Variants in LAMC2 observed in about 807,000 individuals in gnomAD.
The protein encoded by LAMC2 is laminin subunit gamma 2, also known as laminin subunit gamma-2.
In LAMC2, 97 loss-of-function variants were observed where a neutral mutation model predicts 140.2. That is an observed-to-expected ratio of 0.69 (90% CI 0.59 to 0.82). The LOEUF is 0.82. LAMC2 is among the 40% of genes least tolerant of loss of function. The probability of loss-of-function intolerance (pLI) is 0.00; values close to 1 mark genes in which losing one functional copy is unlikely to be tolerated. For synonymous variants in LAMC2, 513 were observed against 540.2 expected, an observed-to-expected ratio of 0.95 and a Z score of 0.70; for missense variants, 1,402 against 1,476.1, an observed-to-expected ratio of 0.95 and a Z score of 0.82.
chr1:183,237,747 A>C (rs1234697421), intron 18 of LAMC2, among the ~76,000 whole-genome samples: 1 of 152,184 alleles, frequency 6.6e-6, no homozygotes, highest in East Asian at 1.9e-4. Context: ...ATAGCTGTGC[A>C]TGATGACACG....
In LAMC2 at chr1:183,215,680, C is replaced by T. The variant is rs548051907; in HGVS notation, c.404+92C>T. On this transcript the variant is annotated intron_variant, in intron 3 of 22. Transcript: ENST00000264144. ...ACACTTGTATTTACTGAGCCCCTAC[C>T]CTGTGCCAAACACTGCTTTGAGAGT... 1,983 of 1,484,394 alleles carry T rather than the reference C, an allele frequency of 1.3e-3. 5 individuals are homozygous for T. The highest frequency in any genetic ancestry group is 1.8e-3 in the Non-Finnish European group (1,882 of 1,064,234). The allele number at this position is 1,484,394 out of a possible 1,614,324, so 92.0% of individuals were successfully genotyped here.
At chr1:183,200,696 A>G (rs1019799764) in intron 1 of LAMC2, among the ~76,000 whole-genome samples, 2 of 151,600 alleles carry the variant, frequency 1.3e-5, no homozygotes, top group Non-Finnish European at 2.9e-5. Flanking sequence ...GAGGGGTGGG[A>G]GTGTTGTGAA....
At chr1:183,198,140 C>CT (rs11338377) in intron 1 of LAMC2, among the ~76,000 whole-genome samples, 4,856 of 138,044 alleles carry the variant, frequency 0.035, 159 homozygotes, top group African/African-American at 0.086. Context: ...TTTTTTCTTT[C>CT]TTTTTTTTTT....
chr1:183,195,510 C>T (rs1571500769), intron 1 of LAMC2, among the ~76,000 whole-genome samples: 2 of 152,306 alleles, frequency 1.3e-5, no homozygotes, highest in South Asian at 4.1e-4. Flanking sequence ...CCTAGCACTT[C>T]CTGCCTCAGC....
chr1:183,232,464 G>C lies in LAMC2; in HGVS notation c.2014+121G>C, dbSNP rs138863552. 1.4e-5 allele frequency: 17 copies of C among 1,247,804 alleles called. No individual in the cohort carries two copies. The African/African-American group carries it at 2.2e-4, about 16-fold the overall frequency. 77.3% of individuals were successfully genotyped at this position (1,247,804 alleles called of 1,614,324 possible). A position where few individuals can be genotyped will look rare whatever the true frequency, so the allele number is the denominator to read the frequency against. ...CAGCAGTTATCTCCAGCCAGCCCTTGCAGAAGTGGAAGGACTGTCTGTGGC... is the reference window on the plus strand; with the variant it reads ...CAGCAGTTATCTCCAGCCAGCCCTTCCAGAAGTGGAAGGACTGTCTGTGGC... On this transcript the variant is annotated intron_variant, in intron 13 of 22. Transcript: ENST00000264144.
intron 1 of LAMC2, among the ~76,000 whole-genome samples, chr1:183,195,855 A>G (rs184625695): frequency 6.6e-6 from 1 of 152,352 alleles, no homozygotes; most frequent in Admixed American, 6.5e-5. Flanking sequence ...GCTTAAGCCG[A>G]CAAACATATT....
At chr1:183,256,637 A>G in the LAMC2 span, among the ~76,000 whole-genome samples, 1 of 152,246 alleles carries the variant, frequency 6.6e-6, no homozygotes, top group Non-Finnish European at 1.5e-5. Context: ...CTTGTGTGCC[A>G]GGGATAAATC....
At position 183,240,110 on chromosome 1, in the gene LAMC2, C is replaced by A. The variant is rs766697227; in HGVS notation, c.3140C>A (p.Ala1047Asp). 1.2e-5 allele frequency: 20 copies of A among 1,614,110 alleles called. No individual in the cohort carries two copies. Among genetic ancestry groups the A allele is most frequent in the Non-Finnish European group, 1.6e-5 (19 of 1,180,020 alleles). ...DGALAMEKGLASLKSEMREVE... is the reference protein window; with the variant it reads ...DGALAMEKGLDSLKSEMREVE... ...GCCTTGGCCATGGAAAAGGGACTGGCCTCTCTGAAGAGTGAGATGAGGGAA... is the reference window on the plus strand; with the variant it reads ...GCCTTGGCCATGGAAAAGGGACTGGACTCTCTGAAGAGTGAGATGAGGGAA... The change falls in exon 21 of 23, where the codon GCC becomes GAC. Residue 1047 changes from alanine (A) to aspartate (D), a missense_variant. Around this residue, in one of 3 missense-constraint regions of LAMC2, gnomAD observed 670 missense variants for 667.2 expected, o/e 1.00. Transcript: ENST00000264144.
At chr1:183,257,397 C>A in the LAMC2 span, among the ~76,000 whole-genome samples, 1 of 152,046 alleles carries the variant, frequency 6.6e-6, no homozygotes, top group Non-Finnish European at 1.5e-5. Context: ...GCCAAGATCA[C>A]GCTATTGCAC....
Position 183,237,422 on chromosome 1 carries a change from A to G in LAMC2, c.2672A>G (p.Glu891Gly). The part of the protein sequence containing the change: ...LSSLVTRHMD[E>G]FKRTQKNLGN... ...AGCCTGGTAACCAGGCATATGGATGAGTTCAAGCGTACACAGAAGAATCTG... is the reference window on the plus strand; with the variant it reads ...AGCCTGGTAACCAGGCATATGGATGGGTTCAAGCGTACACAGAAGAATCTG... Residue 891 changes from glutamate to glycine, a missense_variant, in exon 18 of 23, where the codon GAG becomes GGG. Transcript: ENST00000264144. The G allele has an allele frequency of 6.2e-7, 1 of 1,614,114 alleles. No homozygotes were observed. The highest frequency in any genetic ancestry group is 8.5e-7 in the Non-Finnish European group (1 of 1,179,918).
intron 19 of LAMC2, among the ~76,000 whole-genome samples, chr1:183,238,668 G>C (rs1163210360): frequency 2.6e-5 from 4 of 152,214 alleles, no homozygotes; most frequent in African/African-American, 9.6e-5. Context: ...GACTAGCTGT[G>C]TGACCATAGG....
intron 6 of LAMC2, 119 bp downstream of exon 6, chr1:183,222,330 T>C: frequency 9.3e-7 from 1 of 1,072,250 alleles, no homozygotes; most frequent in South Asian, 1.3e-5. Context: ...TAGCAGCATC[T>C]CCGGGTAGTG....
chr1:183,210,576 T>C (rs1201277445), intron 2 of LAMC2, among the ~76,000 whole-genome samples: 1 of 152,066 alleles, frequency 6.6e-6, no homozygotes, highest in East Asian at 1.9e-4. Flanking sequence ...ATAATTCTCT[T>C]ATTCCCTCCA....
chr1:183,195,848 T>C (rs1479345648), intron 1 of LAMC2, among the ~76,000 whole-genome samples: 7 of 152,234 alleles, frequency 4.6e-5, no homozygotes, highest in African/African-American at 1.4e-4. Context: ...AATATCTGCT[T>C]AAGCCGACAA....
rs778840063 is a variant in LAMC2 at position 183,227,588 on chromosome 1, G to C, written c.1359G>C (p.Pro453=). 3 of 1,614,108 alleles carry C rather than the reference G, an allele frequency of 1.9e-6. No homozygotes were observed. The highest frequency in any genetic ancestry group is 2.5e-6 in the Non-Finnish European group (3 of 1,180,024). ...GCCCAATTGGTTTCTACAACGATCC[G>C]CACGACCCCCGCAGCTGCAAGCCAT... is the stretch of plus-strand genomic sequence containing the variant. The part of the protein sequence containing the change: ...ADCPIGFYND[P]HDPRSCKPCP... The change falls in exon 10 of 23, where the codon CCG becomes CCC. Residue 453 remains proline (P), a synonymous_variant. Coordinates refer to ENST00000264144, the MANE Select transcript of LAMC2 (RefSeq NM_005562.3).
intron 7 of LAMC2, among the ~76,000 whole-genome samples, chr1:183,225,222 A>AT (rs201934213): frequency 1.8e-4 from 27 of 152,228 alleles, no homozygotes; most frequent in East Asian, 5.8e-4. Flanking sequence ...CAAATAAATG[A>AT]TTTTTTTTAA....
rs765474971 is a variant in LAMC2 at position 183,239,483 on chromosome 1, C to T, written c.2989C>T (p.Leu997=). Residue 997 remains leucine, a synonymous_variant, in exon 20 of 23, where the codon CTG becomes TTG. Transcript: ENST00000264144. ...SDKTQQAERA[L]GSAAADAQRA... ...CAAGACCCAGCAAGCAGAAAGAGCC[C>T]TGGGGAGCGCTGCTGCTGATGCACA... 2 of 1,613,996 alleles carry T rather than the reference C, an allele frequency of 1.2e-6. No individual in the cohort carries two copies. Among genetic ancestry groups the T allele is most frequent in the East Asian group, 4.5e-5 (2 of 44,878 alleles).
chr1:183,248,087 T>C (rs183258503), downstream of LAMC2: 157 of 152,460 alleles, frequency 1.0e-3, 2 homozygotes, highest in African/African-American at 3.5e-3. Flanking sequence ...CATACTTTTA[T>C]ATAACACATG....
the LAMC2 span, among the ~76,000 whole-genome samples, chr1:183,254,273 G>C: frequency 6.6e-6 from 1 of 152,088 alleles, no homozygotes; most frequent in Non-Finnish European, 1.5e-5. Context: ...TTTGATAATA[G>C]CTATTCTAAT....
Sources: gnomAD v4.1 joint callset for allele counts (sites outside exome capture counted in the v4.1 genomes callset) on GRCh38, gnomAD v4.1.1 for gene constraint, gnomAD v4.1.1 regional missense constraint, MANE v1.5 for transcripts, NCBI Gene and HGNC (gene_info 2026-07-23, HGNC 2026-07-21) for gene names.